CRPPA: variants seen among roughly 807,000 people sequenced by gnomAD.
The protein encoded by CRPPA is CDP-L-ribitol pyrophosphorylase A.
Under a neutral mutation model 52.0 loss-of-function variants are expected in CRPPA, and 43 were observed. The observed-to-expected ratio is 0.83, with a 90% confidence interval of 0.65 to 1.07. The LOEUF is 1.07. CRPPA is among the 50% of genes least tolerant of loss of function. The pLI is 0.00. For synonymous variants in CRPPA, 250 were observed against 203.5 expected, an observed-to-expected ratio of 1.23 and a Z score of -1.94; for missense variants, 629 against 551.7, an observed-to-expected ratio of 1.14 and a Z score of -1.40.
At chr7:16,172,608 C>T (rs1038693448) in intron 9 of CRPPA, among the ~76,000 whole-genome samples, 4 of 152,048 alleles carry the variant, frequency 2.6e-5, no homozygotes, top group South Asian at 2.1e-4. Context: ...TCTTAGTGGG[C>T]GTGCTTTTCA....
At chr7:16,180,544 C>T (rs1483222641) in intron 9 of CRPPA, among the ~76,000 whole-genome samples, 2 of 151,988 alleles carry the variant, frequency 1.3e-5, no homozygotes, top group Non-Finnish European at 2.9e-5. Context: ...TCTCTAATCT[C>T]ATTACATGCG....
intron 8 of CRPPA, 197 bp from the exon 9 acceptor site, chr7:16,216,394 C>A: frequency 2.5e-6 from 1 of 402,320 alleles, no homozygotes; most frequent in African/African-American, 2.1e-5. Flanking sequence ...ATGTAGTAAA[C>A]ACTCAGAGAA....
chr7:16,322,408 T>C lies in CRPPA; in HGVS notation c.685-13781A>G, dbSNP rs1479803549. ...AAGGTACCACACAAATGAGAAGGCC[T>C]AAGAACTGGCCAGTTTGTAAACAAA... On this transcript the variant is annotated intron_variant, in intron 3 of 9. Coordinates refer to ENST00000407010, the MANE Select transcript of CRPPA (RefSeq NM_001101426.4). Among the ~76,000 whole-genome samples, 7 of 152,214 alleles carry C rather than the reference T, an allele frequency of 4.6e-5. No homozygotes were observed. In the East Asian group the frequency reaches 1.4e-3, roughly 30 times the overall value.
chr7:16,374,703 G>C (rs1583557596), intron 3 of CRPPA, among the ~76,000 whole-genome samples: 1 of 151,910 alleles, frequency 6.6e-6, no homozygotes, highest in South Asian at 2.1e-4. Context: ...TCCCAGCCAA[G>C]GTCAACTTCA....
At chr7:16,352,509 C>T (rs1217656220) in intron 3 of CRPPA, among the ~76,000 whole-genome samples, 1 of 151,834 alleles carries the variant, frequency 6.6e-6, no homozygotes, top group African/African-American at 2.4e-5. Context: ...AAGAAAAATG[C>T]TCAACATCTT....
Position 16,346,499 on chromosome 7 carries a change from T to C in CRPPA, c.684+29593A>G, listed in dbSNP as rs200538438. Among the ~76,000 whole-genome samples, 6 of 149,982 alleles carry C rather than the reference T, an allele frequency of 4.0e-5. No individual in the cohort carries two copies. The East Asian group carries it at 9.7e-4, about 24-fold the overall frequency. On this transcript the variant is annotated intron_variant, in intron 3 of 9. Transcript: ENST00000407010. ...ACAGGTTCAGCACCCATTCTGTTCA[T>C]GCAAGAAAGTTCATAGCAAGAGAAA...
intron 1 of CRPPA, among the ~76,000 whole-genome samples, chr7:16,407,004 C>T (rs766340779): frequency 6.6e-6 from 1 of 152,190 alleles, no homozygotes; most frequent in Admixed American, 6.5e-5. Context: ...AAGACAGAGT[C>T]TCACTCTGTG....
rs943251417 is a variant in CRPPA, at chr7:16,280,957, T to C, written c.836-2731A>G. On this transcript the variant is annotated intron_variant, in intron 5 of 9. Coordinates refer to ENST00000407010, the MANE Select transcript of CRPPA (RefSeq NM_001101426.4). ...ATCGCTTGAACTCGGGAGGCAGAGGTTGCACTGAGCCAAGATCACGCCACT... is the reference window on the plus strand; with the variant it reads ...ATCGCTTGAACTCGGGAGGCAGAGGCTGCACTGAGCCAAGATCACGCCACT... Among the ~76,000 whole-genome samples, 3 of 152,004 alleles carry C rather than the reference T, an allele frequency of 2.0e-5. No homozygotes were observed. The South Asian group carries it at 6.2e-4, about 32-fold the overall frequency.
intron 8 of CRPPA, among the ~76,000 whole-genome samples, chr7:16,244,953 T>C (rs939222449): frequency 5.3e-5 from 8 of 152,150 alleles, no homozygotes; most frequent in African/African-American, 1.4e-4. Flanking sequence ...TATTTTCTGA[T>C]GAATAAAACC....
intron 9 of CRPPA, among the ~76,000 whole-genome samples, chr7:16,187,349 T>C (rs1468474088): frequency 6.6e-6 from 1 of 152,200 alleles, no homozygotes; most frequent in Admixed American, 6.5e-5. Context: ...CTTGAATATT[T>C]CTGAATTGTG....
intron 9 of CRPPA, chr7:16,209,127 A>G: frequency 5.4e-6 from 2 of 368,750 alleles, no homozygotes; most frequent in South Asian, 4.6e-5. Context: ...AAAAGCTAAA[A>G]CTACAAAGAA....
chr7:16,340,015 T>G (rs2128432876), intron 3 of CRPPA, among the ~76,000 whole-genome samples: 1 of 152,254 alleles, frequency 6.6e-6, no homozygotes, highest in South Asian at 2.1e-4. Flanking sequence ...AAAGAAAATC[T>G]TCTCAGCAAA....
intron 3 of CRPPA, among the ~76,000 whole-genome samples, chr7:16,348,212 G>A (rs2128307354): frequency 6.6e-6 from 1 of 152,276 alleles, no homozygotes; most frequent in African/African-American, 2.4e-5. Context: ...AATTTATCCT[G>A]AAAAGAATTT....
At chr7:16,216,295 T>C (rs1782307821) in intron 8 of CRPPA, 98 bp from the exon 9 acceptor site, 6 of 699,836 alleles carry the variant, frequency 8.6e-6, no homozygotes, top group Non-Finnish European at 1.4e-5. Context: ...ATGATTACAA[T>C]ATTGCAATAA....
At chr7:16,123,554 G>T (rs1782517749) in intron 9 of CRPPA, among the ~76,000 whole-genome samples, 2 of 152,076 alleles carry the variant, frequency 1.3e-5, no homozygotes, top group South Asian at 4.1e-4. Context: ...ATAGCTCTTA[G>T]CAGGGGACCA....
intron 9 of CRPPA, among the ~76,000 whole-genome samples, chr7:16,159,544 C>G (rs1783259241): frequency 6.6e-6 from 1 of 152,066 alleles, no homozygotes; most frequent in South Asian, 2.1e-4. Context: ...GAACTCATTC[C>G]TTTTTATGGC....
At chr7:16,266,658 T>C (rs1171639258) in intron 6 of CRPPA, among the ~76,000 whole-genome samples, 1 of 152,054 alleles carries the variant, frequency 6.6e-6, no homozygotes, top group Non-Finnish European at 1.5e-5. Flanking sequence ...TTTGTATTTT[T>C]AGTAGAATGG....
intron 1 of CRPPA, 144 bp downstream of exon 1, chr7:16,420,922 G>C: frequency 1.5e-6 from 1 of 681,566 alleles, no homozygotes; most frequent in Non-Finnish European, 2.1e-6. Context: ...TCTGAAATGC[G>C]GGAGGGAACA....
In CRPPA at chr7:16,089,523, A is replaced by G. The variant is rs1189895190; in HGVS notation, c.*2172T>C. 3.7e-6 allele frequency: 1 copy of G among 273,348 alleles called. No homozygotes were observed. Among genetic ancestry groups the G allele is most frequent in the Non-Finnish European group, 7.9e-6 (1 of 126,112 alleles). The allele number at this position is 273,348 out of a possible 1,614,324, so 16.9% of individuals were successfully genotyped here. ...CGTACATACATAGATATGGGTATAT[A>G]TGTACGTACATACATATATATGTAT... On this transcript the variant is annotated 3_prime_UTR_variant, in exon 10 of 10. Transcript: ENST00000407010.
Sources: gnomAD v4.1 joint callset for allele counts (sites outside exome capture counted in the v4.1 genomes callset) on GRCh38, gnomAD v4.1.1 for gene constraint, MANE v1.5 for transcripts, NCBI Gene and HGNC (gene_info 2026-07-23, HGNC 2026-07-21) for gene names.